CDKAL1: variants seen among roughly 807,000 people sequenced by gnomAD.
CDKAL1 encodes the protein CDKAL1 threonylcarbamoyladenosine tRNA methylthiotransferase, also known as threonylcarbamoyladenosine tRNA methylthiotransferase.
CDKAL1 carries 32 observed loss-of-function variants against 68.2 expected under a neutral mutation model. That is an observed-to-expected ratio of 0.47 (90% CI 0.35 to 0.63). The LOEUF (loss-of-function observed/expected upper bound fraction) is 0.63, where lower values mean the gene tolerates loss of function less well. Ranked by LOEUF, CDKAL1 falls within the 30% of genes least tolerant of loss-of-function variation. The pLI is 0.00. For synonymous variants in CDKAL1, 234 were observed against 244.3 expected, an observed-to-expected ratio of 0.96 and a Z score of 0.39; for missense variants, 606 against 696.7, an observed-to-expected ratio of 0.87 and a Z score of 1.47.
chr6:21,191,602 TCTGCCA>T lies in CDKAL1; in HGVS notation c.1300-6403_1300-6398del, dbSNP rs564242724. ...GAAGAGTTCAAAGACTTCCCTTTCT[TCTGCCA>T]CTGCCACTGCCACTGAGCAAATCAC... On this transcript the variant is annotated intron_variant, in intron 13 of 15. Transcript: ENST00000274695. Among the ~76,000 whole-genome samples, 171 of 152,244 alleles carry T rather than the reference TCTGCCA, an allele frequency of 1.1e-3. 3 individuals carry two copies. The highest frequency in any genetic ancestry group is 4.0e-3 in the African/African-American group (167 of 41,556).
chr6:20,855,544 A>G (rs1416402678), intron 9 of CDKAL1, among the ~76,000 whole-genome samples: 1 of 151,696 alleles, frequency 6.6e-6, no homozygotes, highest in Non-Finnish European at 1.5e-5. Flanking sequence ...AATACAAAGT[A>G]TACTACTCAC....
chr6:21,021,578 T>C (rs530919356), intron 11 of CDKAL1, among the ~76,000 whole-genome samples: 1 of 152,286 alleles, frequency 6.6e-6, no homozygotes, highest in Admixed American at 6.5e-5. Context: ...TACAGTTCAG[T>C]GGGCAGAACT....
chr6:20,888,951 C>T (rs577889004), intron 9 of CDKAL1, among the ~76,000 whole-genome samples: 2 of 152,336 alleles, frequency 1.3e-5, no homozygotes, highest in Non-Finnish European at 1.5e-5. Context: ...GTCACACTGA[C>T]TTGCACAATG....
chr6:20,671,602 A>G (rs543664118), intron 5 of CDKAL1, among the ~76,000 whole-genome samples: 3 of 152,184 alleles, frequency 2.0e-5, no homozygotes, highest in South Asian at 2.1e-4. Context: ...TATATCTCCA[A>G]TCCTTTTGGA....
chr6:20,897,873 A>G (rs909490173), intron 9 of CDKAL1, among the ~76,000 whole-genome samples: 1 of 152,108 alleles, frequency 6.6e-6, no homozygotes, highest in Admixed American at 6.5e-5. Flanking sequence ...TTATTTCATT[A>G]TTAATTAGAA....
At chr6:20,587,325 A>G (rs1765414152) in intron 4 of CDKAL1, among the ~76,000 whole-genome samples, 1 of 152,160 alleles carries the variant, frequency 6.6e-6, no homozygotes, top group Non-Finnish European at 1.5e-5. Context: ...TTCGAAGCTA[A>G]CAGATAATAA....
intron 8 of CDKAL1, among the ~76,000 whole-genome samples, chr6:20,792,470 C>T (rs1244152104): frequency 1.3e-5 from 2 of 152,100 alleles, no homozygotes; most frequent in African/African-American, 2.4e-5. Flanking sequence ...AGTTCTTTCT[C>T]CCTTGTGAAA....
intron 9 of CDKAL1, among the ~76,000 whole-genome samples, chr6:20,953,004 G>T (rs1016802540): frequency 2.6e-5 from 4 of 152,164 alleles, no homozygotes; most frequent in African/African-American, 4.8e-5. Flanking sequence ...ACAGATTTTT[G>T]AATTGAATTG....
intron 5 of CDKAL1, among the ~76,000 whole-genome samples, chr6:20,738,855 G>A (rs544117947): frequency 1.3e-5 from 2 of 152,112 alleles, no homozygotes; most frequent in Non-Finnish European, 2.9e-5. Flanking sequence ...TTCACATCTA[G>A]GTTTCTGTAA....
rs138401454 is a variant in CDKAL1 at position 20,753,655 on chromosome 6, C to A, written c.469-4940C>A. Among the ~76,000 whole-genome samples the A allele has an allele frequency of 6.0e-3, 911 of 152,286 alleles. 6 individuals carry two copies. The highest frequency in any genetic ancestry group is 0.01 in the Non-Finnish European group (685 of 68,032). Reference sequence around the variant, plus strand: ...GTCTTAGTGATGCGTTGCTGTATTTCGTTGTATGCATATGCCACATGTTGT... The same window carrying A: ...GTCTTAGTGATGCGTTGCTGTATTTAGTTGTATGCATATGCCACATGTTGT... On this transcript the variant is annotated intron_variant, in intron 6 of 15. Coordinates refer to ENST00000274695, the MANE Select transcript of CDKAL1 (RefSeq NM_017774.3).
At chr6:21,226,959 G>A (rs1189998346) in intron 15 of CDKAL1, among the ~76,000 whole-genome samples, 1 of 152,130 alleles carries the variant, frequency 6.6e-6, no homozygotes, top group Non-Finnish European at 1.5e-5. Context: ...GATCCGCCTC[G>A]GCCTCCCAAA....
chr6:21,110,370 T>C (rs746833232), intron 13 of CDKAL1, among the ~76,000 whole-genome samples: 34 of 152,314 alleles, frequency 2.2e-4, no homozygotes, highest in Non-Finnish European at 3.2e-4. Flanking sequence ...ACTAGAACCA[T>C]AGGGATAAAG....
intron 4 of CDKAL1, among the ~76,000 whole-genome samples, chr6:20,557,337 C>T (rs982632165): frequency 2.0e-5 from 3 of 151,912 alleles, no homozygotes; most frequent in South Asian, 2.1e-4. Flanking sequence ...GTAGTCTGAT[C>T]ATGTGTAGTA....
At chr6:20,778,050 G>C (rs1775250707) in intron 7 of CDKAL1, among the ~76,000 whole-genome samples, 2 of 151,752 alleles carry the variant, frequency 1.3e-5, no homozygotes, top group Admixed American at 1.3e-4. Context: ...GCACAAAAGA[G>C]GAAGAAGGAA....
intron 10 of CDKAL1, among the ~76,000 whole-genome samples, chr6:20,962,530 T>C (rs1765105333): frequency 6.6e-6 from 1 of 152,210 alleles, no homozygotes; most frequent in South Asian, 2.1e-4. Context: ...ATAATATGTT[T>C]GCCTTTGCCG....
At chr6:21,180,001 A>T (rs962512527) in intron 13 of CDKAL1, among the ~76,000 whole-genome samples, 1 of 152,320 alleles carries the variant, frequency 6.6e-6, no homozygotes, top group Admixed American at 6.5e-5. Flanking sequence ...AGCCTGGGTT[A>T]CAAAGCGAGA....
chr6:20,978,844 T>C (rs1765969633), intron 10 of CDKAL1, among the ~76,000 whole-genome samples: 1 of 152,186 alleles, frequency 6.6e-6, no homozygotes, highest in Admixed American at 6.5e-5. Flanking sequence ...TTGTTGAGAA[T>C]ATAGAGTTTT....
intron 13 of CDKAL1, among the ~76,000 whole-genome samples, chr6:21,174,344 T>G (rs1777501177): frequency 6.6e-6 from 1 of 152,198 alleles, no homozygotes; most frequent in Non-Finnish European, 1.5e-5. Context: ...GGTATAATCT[T>G]AGTCAAAAGT....
chr6:20,714,539 C>T (rs899821578), intron 5 of CDKAL1, among the ~76,000 whole-genome samples: 2 of 151,504 alleles, frequency 1.3e-5, no homozygotes, highest in Non-Finnish European at 2.9e-5. Flanking sequence ...CAGGTGCGCA[C>T]CCACCATGCC....
Sources: allele counts gnomAD v4.1 joint callset (sites outside exome capture counted in the v4.1 genomes callset), GRCh38; gene constraint gnomAD v4.1.1; transcripts MANE v1.5; gene names NCBI Gene and HGNC (gene_info 2026-07-23, HGNC 2026-07-21).